Variants in TRPC6 observed in about 807,000 individuals in gnomAD.
TRPC6 encodes short transient receptor potential channel 6.
Under a neutral mutation model 90.7 loss-of-function variants are expected in TRPC6, and 55 were observed. The observed-to-expected ratio is 0.61, with a 90% confidence interval of 0.49 to 0.76. The LOEUF (loss-of-function observed/expected upper bound fraction) is 0.76, where lower values mean the gene tolerates loss of function less well. Ranked by LOEUF, TRPC6 falls within the 30% of genes least tolerant of loss-of-function variation. The probability of loss-of-function intolerance (pLI) is 0.00; values close to 1 mark genes in which losing one functional copy is unlikely to be tolerated. For missense variants in TRPC6, 989 were observed against 1,122.7 expected (o/e 0.88, Z 1.70); for synonymous variants, 393 against 393.0 (o/e 1.00, Z 0.00).
intron 5 of TRPC6, among the ~76,000 whole-genome samples, chr11:101,478,451 A>G (rs1859465547): frequency 6.8e-6 from 1 of 146,952 alleles, no homozygotes. Flanking sequence ...ATTTGAACTC[A>G]TGCAGTCTAG....
chr11:101,564,956 G>T (rs1262920596), intron 1 of TRPC6, among the ~76,000 whole-genome samples: 1 of 151,964 alleles, frequency 6.6e-6, no homozygotes, highest in African/African-American at 2.4e-5. Context: ...GTACAAAGAA[G>T]ACACAATGGA....
intron 10 of TRPC6, among the ~76,000 whole-genome samples, chr11:101,456,551 A>T (rs1858887699): frequency 6.6e-6 from 1 of 152,100 alleles, no homozygotes; most frequent in African/African-American, 2.4e-5. Context: ...CACCATTGAC[A>T]TTTTGGGCTA....
Position 101,476,335 on chromosome 11 carries a change from T to G in TRPC6, c.1710A>C (p.Val570=). 1 of 1,614,172 alleles carries G rather than the reference T, an allele frequency of 6.2e-7. No homozygotes were observed. Among genetic ancestry groups the G allele is most frequent in the Non-Finnish European group, 8.5e-7 (1 of 1,180,004 alleles). ...AGTATTTCACATTGTCTCCCAATGT[T>G]ACTTTCGTCAAGTCCTTCAAAGTAT... The part of the protein sequence containing the change: ...ANDTLKDLTK[V]TLGDNVKYYN... The change falls in exon 6 of 13, where the codon GTA becomes GTC. Residue 570 remains valine, a synonymous_variant. Transcript: ENST00000344327.
chr11:101,461,308 T>TA (rs954914937), intron 10 of TRPC6, among the ~76,000 whole-genome samples: 1 of 152,212 alleles, frequency 6.6e-6, no homozygotes, highest in Non-Finnish European at 1.5e-5. Flanking sequence ...CTGATGCCTG[T>TA]AATCCCAGCA....
At chr11:101,501,411 A>G (rs1318943865) in intron 2 of TRPC6, among the ~76,000 whole-genome samples, 1 of 152,220 alleles carries the variant, frequency 6.6e-6, no homozygotes, top group Non-Finnish European at 1.5e-5. Context: ...ATTACTTTAA[A>G]GTAAGAAAAA....
chr11:101,491,833 A>ATCTTTTTTTTTTTTTTTTT (rs1859822618), intron 2 of TRPC6, 95 bp from the exon 3 acceptor site: 1 of 764,510 alleles, frequency 1.3e-6, no homozygotes, highest in African/African-American at 2.8e-5. Flanking sequence ...TAAGAGAAAC[A>ATCTTTTTTTTTTTTTTTTT]TTCTTTTTTT....
intron 10 of TRPC6, among the ~76,000 whole-genome samples, chr11:101,461,075 T>A (rs1858993988): frequency 6.6e-6 from 1 of 152,192 alleles, no homozygotes. Context: ...TAGTGCTTGG[T>A]ACACATGTTA....
chr11:101,527,984 A>C (rs1229260195), intron 1 of TRPC6, among the ~76,000 whole-genome samples: 1 of 152,070 alleles, frequency 6.6e-6, no homozygotes, highest in Non-Finnish European at 1.5e-5. Context: ...GAGGCAGGAG[A>C]ATCGCTTGAA....
chr11:101,500,552 G>T (rs1860093771), intron 2 of TRPC6, among the ~76,000 whole-genome samples: 1 of 151,816 alleles, frequency 6.6e-6, no homozygotes, highest in Non-Finnish European at 1.5e-5. Flanking sequence ...TGTAGTTTTT[G>T]ATCTAATATA....
chr11:101,454,655 A>G (rs1188041486), intron 11 of TRPC6, among the ~76,000 whole-genome samples: 1 of 151,760 alleles, frequency 6.6e-6, no homozygotes, highest in African/African-American at 2.4e-5. Flanking sequence ...AATTATGCAC[A>G]TATAGGCATA....
At chr11:101,563,242 T>A (rs1015241417) in intron 1 of TRPC6, among the ~76,000 whole-genome samples, 1 of 152,276 alleles carries the variant, frequency 6.6e-6, no homozygotes, top group East Asian at 1.9e-4. Context: ...AGAAACTGAT[T>A]ATAAGGTTGA....
chr11:101,466,366 C>T (rs1050986830), intron 10 of TRPC6, among the ~76,000 whole-genome samples: 1 of 152,246 alleles, frequency 6.6e-6, no homozygotes, highest in Admixed American at 6.5e-5. Flanking sequence ...CTGTAAGTCC[C>T]TGACTGGGGC....
At chr11:101,505,009 A>C (rs557237162) in intron 1 of TRPC6, among the ~76,000 whole-genome samples, 1 of 152,334 alleles carries the variant, frequency 6.6e-6, no homozygotes, top group Non-Finnish European at 1.5e-5. Context: ...TGCAGATTTT[A>C]ACATTCCCAT....
intron 10 of TRPC6, among the ~76,000 whole-genome samples, chr11:101,464,832 T>TTATGATAC (rs1859104758): frequency 1.3e-5 from 2 of 152,204 alleles, no homozygotes; most frequent in Non-Finnish European, 2.9e-5. Context: ...GATCCTGTCA[T>TTATGATAC]TATGATACTA....
intron 1 of TRPC6, among the ~76,000 whole-genome samples, chr11:101,537,010 A>G (rs1247754525): frequency 5.3e-5 from 8 of 152,210 alleles, no homozygotes; most frequent in Admixed American, 5.2e-4. Flanking sequence ...GGCTGTGAGC[A>G]AAGAGTTAAG....
intron 10 of TRPC6, among the ~76,000 whole-genome samples, chr11:101,456,785 T>G (rs7110162): frequency 0.31 from 47,445 of 152,032 alleles, 9,640 homozygotes; most frequent in African/African-American, 0.58. Flanking sequence ...AAACTAAATA[T>G]AAACTCACAT....
intron 1 of TRPC6, among the ~76,000 whole-genome samples, chr11:101,571,796 T>C (rs868591665): frequency 1.1e-4 from 17 of 152,124 alleles, no homozygotes; most frequent in African/African-American, 2.4e-4. Context: ...ATAAATGGTG[T>C]TGGGAAAACT....
intron 1 of TRPC6, among the ~76,000 whole-genome samples, chr11:101,547,383 A>G (rs1256584618): frequency 6.6e-6 from 1 of 152,178 alleles, no homozygotes. Flanking sequence ...TGAGAATAAC[A>G]AAGCATCTCA....
Position 101,472,308 on chromosome 11 carries a change from C to T in TRPC6, c.2034G>A (p.Leu678=), listed in dbSNP as rs1859310870. ...CAGAAAGTCCAAATATAGCCCAGAA[C>T]AGTGTCTTAAAACTCTCTTCAACTC... The part of the protein sequence containing the change: ...FTTVEESFKT[L]FWAIFGLSEV... Residue 678 remains leucine, a synonymous_variant, in exon 8 of 13, where the codon CTG becomes CTA. Transcript: ENST00000344327. 1 of 1,612,940 alleles carries T rather than the reference C, an allele frequency of 6.2e-7. No homozygotes were observed. Among genetic ancestry groups the T allele is most frequent in the South Asian group, 1.1e-5 (1 of 90,896 alleles).
Sources: gnomAD v4.1 joint callset for allele counts (sites outside exome capture counted in the v4.1 genomes callset) on GRCh38, gnomAD v4.1.1 for gene constraint, MANE v1.5 for transcripts, NCBI Gene and HGNC (gene_info 2026-07-23, HGNC 2026-07-21) for gene names.